NEK11: variants seen among roughly 807,000 people sequenced by gnomAD.
The protein encoded by NEK11 is serine/threonine-protein kinase Nek11.
In NEK11, 72 loss-of-function variants were observed where a neutral mutation model predicts 80.7. That is an observed-to-expected ratio of 0.89 (90% CI 0.74 to 1.08). The LOEUF (loss-of-function observed/expected upper bound fraction) is 1.08. NEK11 is among the 50% of genes least tolerant of loss of function. The pLI, the probability that NEK11 is intolerant of heterozygous loss-of-function variation, is 0.00. For synonymous variants in NEK11, 251 were observed against 260.7 expected, an observed-to-expected ratio of 0.96 and a Z score of 0.36; for missense variants, 764 against 763.6, an observed-to-expected ratio of 1.00 and a Z score of -0.01.
intron 14 of NEK11, among the ~76,000 whole-genome samples, chr3:131,203,767 G>GTGTATA (rs1560949416): frequency 1.1e-4 from 6 of 54,192 alleles, no homozygotes; most frequent in Non-Finnish European, 2.2e-4. Context: ...GTGTGTGTGT[G>GTGTATA]TATATATATA....
chr3:131,126,665 G>A (rs2083392031), intron 5 of NEK11, among the ~76,000 whole-genome samples: 1 of 152,064 alleles, frequency 6.6e-6, no homozygotes, highest in South Asian at 2.1e-4. Flanking sequence ...ACAGTGTTAT[G>A]TCTACTTGTG....
intron 14 of NEK11, among the ~76,000 whole-genome samples, chr3:131,225,415 T>G (rs2095163058): frequency 6.6e-6 from 1 of 152,208 alleles, no homozygotes; most frequent in Admixed American, 6.5e-5. Flanking sequence ...TCAGAACATA[T>G]CCTCGTTGTT....
At chr3:131,175,885 T>C (rs1194809060) in intron 14 of NEK11, among the ~76,000 whole-genome samples, 2 of 152,140 alleles carry the variant, frequency 1.3e-5, no homozygotes, top group African/African-American at 2.4e-5. Context: ...GTCATGGAGA[T>C]AGAAAACAAT....
At position 131,260,629 on chromosome 3, in the gene NEK11, C is replaced by T. The variant is rs1011643529; in HGVS notation, c.1622-12849C>T. Among the ~76,000 whole-genome samples the T allele has an allele frequency of 3.9e-5, 6 of 152,096 alleles. No individual in the cohort carries two copies. The South Asian group carries it at 8.3e-4, about 21-fold the overall frequency. On this transcript the variant is annotated intron_variant, in intron 16 of 17. Coordinates refer to ENST00000383366, the MANE Select transcript of NEK11 (RefSeq NM_024800.5). ...TATAAAGTCTAGAATATTTACTACC[C>T]GCCCCTTTACAGATAAAGGTTTGCT...
At chr3:131,110,427 GT>G (rs2079917284) in intron 5 of NEK11, among the ~76,000 whole-genome samples, 1 of 152,062 alleles carries the variant, frequency 6.6e-6, no homozygotes, top group African/African-American at 2.4e-5. Context: ...TAGAAAGTCA[GT>G]TTTGATATGA....
intron 3 of NEK11, among the ~76,000 whole-genome samples, chr3:131,061,732 A>C (rs1171528702): frequency 1.3e-5 from 2 of 152,186 alleles, no homozygotes; most frequent in Admixed American, 6.5e-5. Context: ...ACCGGAGCCC[A>C]AAAGGAATTT....
intron 16 of NEK11, among the ~76,000 whole-genome samples, chr3:131,250,295 T>C (rs1341154202): frequency 6.6e-6 from 1 of 151,254 alleles, no homozygotes; most frequent in East Asian, 1.9e-4. Context: ...ATAAGAAAAA[T>C]ATCTAGAGAG....
chr3:131,186,563 T>G (rs981602885), intron 14 of NEK11, among the ~76,000 whole-genome samples: 2 of 152,198 alleles, frequency 1.3e-5, no homozygotes, highest in Non-Finnish European at 2.9e-5. Context: ...AAGTAGAACC[T>G]GGGACAAAGT....
At chr3:131,276,695 C>T (rs1028996951) in intron 17 of NEK11, among the ~76,000 whole-genome samples, 1 of 151,668 alleles carries the variant, frequency 6.6e-6, no homozygotes, top group Non-Finnish European at 1.5e-5. Flanking sequence ...ATTCTTCAAC[C>T]CTAAATATTT....
intron 17 of NEK11, among the ~76,000 whole-genome samples, chr3:131,286,123 A>T (rs2096467240): frequency 1.3e-5 from 2 of 152,206 alleles, no homozygotes. Flanking sequence ...TTTATGAGTT[A>T]GTGTCTCATT....
intron 17 of NEK11, among the ~76,000 whole-genome samples, chr3:131,326,763 G>A (rs1029490621): frequency 4.6e-5 from 7 of 152,154 alleles, no homozygotes; most frequent in African/African-American, 7.2e-5. Context: ...CAGAGCTTGC[G>A]TCTCCTCTGC....
intron 14 of NEK11, among the ~76,000 whole-genome samples, chr3:131,174,179 T>TA (rs1379663166): frequency 4.6e-5 from 7 of 151,720 alleles, no homozygotes; most frequent in African/African-American, 1.5e-4. Flanking sequence ...AAAATAAAAG[T>TA]AAAAAAAGAA....
intron 5 of NEK11, among the ~76,000 whole-genome samples, chr3:131,119,418 A>G (rs183524676): frequency 6.6e-6 from 1 of 152,134 alleles, no homozygotes; most frequent in Non-Finnish European, 1.5e-5. Flanking sequence ...AATAAGTGCA[A>G]TGTGGTGCTG....
At chr3:131,142,275 A>G (rs1245004858) in intron 7 of NEK11, among the ~76,000 whole-genome samples, 2 of 152,212 alleles carry the variant, frequency 1.3e-5, no homozygotes. Context: ...AATATTCGCA[A>G]AGAGCAATCA....
At chr3:131,079,931 AAG>A (rs2074966032) in intron 3 of NEK11, among the ~76,000 whole-genome samples, 1 of 152,086 alleles carries the variant, frequency 6.6e-6, no homozygotes, top group Non-Finnish European at 1.5e-5. Flanking sequence ...CACAGAGGCA[AAG>A]AGAGACACAG....
intron 17 of NEK11, among the ~76,000 whole-genome samples, chr3:131,294,467 T>C (rs2096573686): frequency 6.6e-6 from 1 of 152,072 alleles, no homozygotes; most frequent in African/African-American, 2.4e-5. Context: ...CTATGGCTTT[T>C]ATGGCCCTAA....
At chr3:131,225,254 G>T (rs1326553007) in intron 14 of NEK11, among the ~76,000 whole-genome samples, 2 of 152,174 alleles carry the variant, frequency 1.3e-5, no homozygotes, top group Non-Finnish European at 2.9e-5. Context: ...ACAGTATTCA[G>T]TGTAGTAACA....
intron 14 of NEK11, among the ~76,000 whole-genome samples, chr3:131,217,661 C>T (rs938321701): frequency 4.0e-5 from 6 of 151,854 alleles, no homozygotes; most frequent in Admixed American, 3.9e-4. Flanking sequence ...TCACTCTGGC[C>T]CCTCCCACTC....
At chr3:131,196,066 A>T (rs1422930924) in intron 14 of NEK11, among the ~76,000 whole-genome samples, 1 of 151,666 alleles carries the variant, frequency 6.6e-6, no homozygotes, top group African/African-American at 2.4e-5. Context: ...ATTAAATAGA[A>T]TATGAAAAAT....
Sources: gnomAD v4.1 joint callset for allele counts (sites outside exome capture counted in the v4.1 genomes callset) on GRCh38, gnomAD v4.1.1 for gene constraint, MANE v1.5 for transcripts, NCBI Gene and HGNC (gene_info 2026-07-23, HGNC 2026-07-21) for gene names.